The following PELI1 variants were observed in gnomAD, a reference collection of about 807,000 sequenced individuals.
The protein encoded by PELI1 is pellino E3 ubiquitin protein ligase 1, also known as E3 ubiquitin-protein ligase pellino homolog 1.
Under a neutral mutation model 41.3 loss-of-function variants are expected in PELI1, and 15 were observed. That is an observed-to-expected ratio of 0.36 (90% CI 0.24 to 0.56). PELI1 has a LOEUF of 0.56. Ranked by LOEUF, PELI1 falls within the 20% of genes least tolerant of loss-of-function variation. The pLI, the probability that PELI1 is intolerant of heterozygous loss-of-function variation, is 0.82. For synonymous variants in PELI1, 178 were observed against 180.1 expected, an observed-to-expected ratio of 0.99 and a Z score of 0.09; for missense variants, 403 against 525.5, an observed-to-expected ratio of 0.77 and a Z score of 2.28.
Position 64,138,243 on chromosome 2 carries a change from C to T in PELI1, c.-70+5838G>A, listed in dbSNP as rs529467029. Among the ~76,000 whole-genome samples the T allele has an allele frequency of 4.6e-5, 7 of 152,214 alleles. No homozygotes were observed. In the South Asian group the frequency reaches 1.0e-3, roughly 23 times the overall value. On this transcript the variant is annotated intron_variant, in intron 1 of 6. Coordinates refer to ENST00000358912, the MANE Select transcript of PELI1 (RefSeq NM_020651.4). Reference sequence around the variant, plus strand: ...CAAGCCACTATGCCTGGCTCACACCCTTGTCTTCTTGTAGTTTCTTGCAGT... The same window carrying T: ...CAAGCCACTATGCCTGGCTCACACCTTTGTCTTCTTGTAGTTTCTTGCAGT...
Position 64,111,399 on chromosome 2 carries a change from A to G in PELI1, c.-69-3020T>C, listed in dbSNP as rs189118461. Among the ~76,000 whole-genome samples the G allele has an allele frequency of 2.3e-3, 357 of 152,244 alleles. 1 individual carries two copies. Among genetic ancestry groups the G allele is most frequent in the Non-Finnish European group, 3.8e-3 (258 of 67,966 alleles). On this transcript the variant is annotated intron_variant, in intron 1 of 6. Coordinates refer to ENST00000358912, the MANE Select transcript of PELI1 (RefSeq NM_020651.4). ...ATACACATTTAGACCAGTCATTCAC[A>G]CTAACACACAACTACTATCATCAAT...
chr2:64,099,922 A>C (rs1365975587), intron 4 of PELI1, among the ~76,000 whole-genome samples: 1 of 152,250 alleles, frequency 6.6e-6, no homozygotes, highest in Non-Finnish European at 1.5e-5. Context: ...GATTTCACAT[A>C]GATAATACAA....
intron 1 of PELI1, among the ~76,000 whole-genome samples, chr2:64,141,201 G>A (rs899182655): frequency 2.0e-5 from 3 of 151,896 alleles, no homozygotes; most frequent in Admixed American, 1.3e-4. Flanking sequence ...TCTTCATCAG[G>A]TTTTCTTCAC....
At chr2:64,096,640 C>G (rs1680248957) in intron 4 of PELI1, 30 bp from the exon 5 acceptor site, 1 of 1,462,484 alleles carries the variant, frequency 6.8e-7, no homozygotes, top group African/African-American at 1.4e-5. Flanking sequence ...ACCTATAAAC[C>G]CATTCAAAGA....
Position 64,128,442 on chromosome 2 carries a change from G to A in PELI1, c.-70+15639C>T, listed in dbSNP as rs372104154. On this transcript the variant is annotated intron_variant, in intron 1 of 6. Transcript: ENST00000358912. Reference sequence around the variant, plus strand: ...CCTTTTGAACTAAGTGATTAGAATTGCAAATGTACTTCTTAAATATACTAT... The same window carrying A: ...CCTTTTGAACTAAGTGATTAGAATTACAAATGTACTTCTTAAATATACTAT... Among the ~76,000 whole-genome samples, 4 of 151,960 alleles carry A rather than the reference G, an allele frequency of 2.6e-5. No individual in the cohort carries two copies. The East Asian group carries it at 7.7e-4, about 29-fold the overall frequency.
In PELI1 at chr2:64,095,147, A is replaced by G; in HGVS notation, c.812T>C (p.Leu271Ser). The G allele has an allele frequency of 6.2e-7, 1 of 1,614,204 alleles. No individual in the cohort carries two copies. The highest frequency in any genetic ancestry group is 8.5e-7 in the Non-Finnish European group (1 of 1,180,012). Residue 271 changes from leucine to serine, a missense_variant, in exon 7 of 7, where the codon TTA becomes TCA. Transcript: ENST00000358912. ...TCGTGCTGCATTGATTTCCTGTCTT[A>G]AAGCTTCTAAATGCTTCACGGTAGG... ...HTPTVKHLEA[L>S]RQEINAARPQ...
At chr2:64,140,800 C>G (rs6730543) in intron 1 of PELI1, among the ~76,000 whole-genome samples, 1 of 100,280 alleles carries the variant, frequency 1.0e-5, no homozygotes, top group Non-Finnish European at 1.8e-5. Context: ...AAAAAAAAAA[C>G]AAACAAACAA....
chr2:64,124,676 A>G (rs1301559771), intron 1 of PELI1, among the ~76,000 whole-genome samples: 2 of 152,216 alleles, frequency 1.3e-5, no homozygotes, highest in Non-Finnish European at 2.9e-5. Context: ...AATCATAAAC[A>G]TGTGCTTTTT....
chr2:64,123,167 T>C (rs987368844), intron 1 of PELI1, among the ~76,000 whole-genome samples: 3 of 152,238 alleles, frequency 2.0e-5, no homozygotes, highest in African/African-American at 7.2e-5. Flanking sequence ...CTCTTTTCTA[T>C]ATGTTGTTAT....
intron 1 of PELI1, among the ~76,000 whole-genome samples, chr2:64,127,693 G>C (rs564779798): frequency 6.6e-6 from 1 of 152,096 alleles, no homozygotes; most frequent in East Asian, 1.9e-4. Context: ...TGTGACAATT[G>C]CAATTTTGCT....
chr2:64,116,508 A>G (rs1157219683), intron 1 of PELI1, among the ~76,000 whole-genome samples: 1 of 152,214 alleles, frequency 6.6e-6, no homozygotes, highest in Non-Finnish European at 1.5e-5. Flanking sequence ...TCAGCATCCC[A>G]CACTGGTAGT....
At chr2:64,137,866 CA>C (rs869047579) in intron 1 of PELI1, among the ~76,000 whole-genome samples, 2 of 151,480 alleles carry the variant, frequency 1.3e-5, no homozygotes, top group African/African-American at 2.4e-5. Flanking sequence ...GCTTAGACGA[CA>C]AAAAAAATTT....
In PELI1 at chr2:64,094,989, CTTT is replaced by C. The variant is rs773861504; in HGVS notation, c.967_969del (p.Lys323del). 38 of 1,614,102 alleles carry C rather than the reference CTTT, an allele frequency of 2.4e-5. No homozygotes were observed. The highest frequency in any genetic ancestry group is 3.3e-5 in the Admixed American group (2 of 60,010). ...TCACGATCTTTTCCATCACGTTCTTCTTTGTTTCCCCAGTTATGATAGCCATGT... is the reference window on the plus strand; with the variant it reads ...TCACGATCTTTTCCATCACGTTCTTCGTTTCCCCAGTTATGATAGCCATGT... On this transcript the variant is annotated inframe_deletion, in exon 7 of 7. Transcript: ENST00000358912.
intron 1 of PELI1, among the ~76,000 whole-genome samples, chr2:64,138,079 G>T (rs183547742): frequency 7.2e-5 from 11 of 152,108 alleles, no homozygotes; most frequent in African/African-American, 2.7e-4. Context: ...CGCTCACCCT[G>T]ATCTAGTTAC....
At chr2:64,097,644 A>C (rs904923368) in intron 4 of PELI1, among the ~76,000 whole-genome samples, 4 of 152,248 alleles carry the variant, frequency 2.6e-5, no homozygotes, top group African/African-American at 9.6e-5. Flanking sequence ...TCAGTTCATG[A>C]ATGTATTTGT....
chr2:64,137,472 T>A (rs1331747066), intron 1 of PELI1, among the ~76,000 whole-genome samples: 1 of 152,100 alleles, frequency 6.6e-6, no homozygotes, highest in Non-Finnish European at 1.5e-5. Context: ...AAGAATTGTA[T>A]ATGATCTTGT....
rs1681262563 is a variant in PELI1, at chr2:64,122,680, T to C, written c.-69-14301A>G. Reference sequence around the variant, plus strand: ...ATCCCACAATGCAAATTCACGCAGATGGCATTTGCTATTCTACAGTACATT... The same window carrying C: ...ATCCCACAATGCAAATTCACGCAGACGGCATTTGCTATTCTACAGTACATT... On this transcript the variant is annotated intron_variant, in intron 1 of 6. Coordinates refer to ENST00000358912, the MANE Select transcript of PELI1 (RefSeq NM_020651.4). Among the ~76,000 whole-genome samples the C allele has an allele frequency of 3.3e-5, 5 of 152,202 alleles. No homozygotes were observed. The South Asian group carries it at 6.2e-4, about 19-fold the overall frequency.
Position 64,096,469 on chromosome 2 carries a change from A to T in PELI1, c.445T>A (p.Phe149Ile). ...CCTGCAGCATAAATCCGTGCTGTAA[A>T]GGGAGGATTCCGTTCACATATGATT... is the stretch of plus-strand genomic sequence containing the variant. ...CRIICERNPP[F>I]TARIYAAGFD... is the part of the protein sequence containing the mutation. The change falls in exon 5 of 7, where the codon TTT (phenylalanine) becomes ATT (isoleucine). Residue 149 changes from phenylalanine to isoleucine, a missense_variant. Transcript: ENST00000358912. 6.2e-7 allele frequency: 1 copy of T among 1,613,874 alleles called. No individual in the cohort carries two copies. Among genetic ancestry groups the T allele is most frequent in the Non-Finnish European group, 8.5e-7 (1 of 1,179,736 alleles).
intron 4 of PELI1, among the ~76,000 whole-genome samples, chr2:64,098,913 A>T (rs189435589): frequency 6.6e-6 from 1 of 152,280 alleles, no homozygotes; most frequent in Admixed American, 6.5e-5. Flanking sequence ...TACTGGGGAA[A>T]ATTCTCTACT....
Sources: allele counts gnomAD v4.1 joint callset (sites outside exome capture counted in the v4.1 genomes callset), GRCh38; gene constraint gnomAD v4.1.1; transcripts MANE v1.5; gene names NCBI Gene and HGNC (gene_info 2026-07-23, HGNC 2026-07-21).